GRIP1: variants seen among roughly 807,000 people sequenced by gnomAD.
GRIP1 encodes glutamate receptor interacting protein 1.
Under a neutral mutation model 129.9 loss-of-function variants are expected in GRIP1, and 45 were observed. That is an observed-to-expected ratio of 0.35 (90% CI 0.27 to 0.44). The LOEUF is 0.44. GRIP1 is among the 20% of genes least tolerant of loss of function. The pLI, the probability that GRIP1 is intolerant of heterozygous loss-of-function variation, is 1.00. For missense variants in GRIP1, 1,196 were observed against 1,396.8 expected, an observed-to-expected ratio of 0.86 and a Z score of 2.29; for synonymous variants, 530 against 520.8, an observed-to-expected ratio of 1.02 and a Z score of -0.24.
At chr12:66,503,273 G>A (rs542892642) in intron 7 of GRIP1, among the ~76,000 whole-genome samples, 8 of 152,040 alleles carry the variant, frequency 5.3e-5, no homozygotes, top group Non-Finnish European at 1.2e-4. Context: ...ATGACTTTTG[G>A]GGGCATCCCA....
chr12:66,463,185 T>A (rs2059185804), intron 8 of GRIP1, 92 bp from the exon 9 acceptor site: 1 of 1,117,564 alleles, frequency 8.9e-7, no homozygotes, highest in Non-Finnish European at 1.3e-6. Context: ...TCACAGTTTT[T>A]CATTTACTTA....
intron 11 of GRIP1, among the ~76,000 whole-genome samples, chr12:66,452,943 T>C (rs1313748754): frequency 6.6e-6 from 1 of 152,338 alleles, no homozygotes; most frequent in East Asian, 1.9e-4. Flanking sequence ...TTTTGGAATT[T>C]ATGGTTTGAA....
intron 1 of GRIP1, among the ~76,000 whole-genome samples, chr12:66,965,900 C>T (rs1735441757): frequency 6.6e-6 from 1 of 152,048 alleles, no homozygotes; most frequent in African/African-American, 2.4e-5. Context: ...CAGTTTCTGC[C>T]AGACAGTCTG....
chr12:66,992,939 C>G (rs1394221033), intron 1 of GRIP1, among the ~76,000 whole-genome samples: 1 of 152,062 alleles, frequency 6.6e-6, no homozygotes, highest in Non-Finnish European at 1.5e-5. Context: ...ATGGTGAAAC[C>G]CTGTGTATTC....
chr12:66,735,753 G>A (rs868734632), intron 1 of GRIP1, among the ~76,000 whole-genome samples: 1 of 152,130 alleles, frequency 6.6e-6, no homozygotes, highest in East Asian at 1.9e-4. Flanking sequence ...CAGGGCAATC[G>A]ATCATAAGTG....
At chr12:67,013,641 T>G (rs2042741590) in intron 1 of GRIP1, among the ~76,000 whole-genome samples, 1 of 152,190 alleles carries the variant, frequency 6.6e-6, no homozygotes, top group African/African-American at 2.4e-5. Context: ...TTAACTTGGA[T>G]AGCTGGTTGC....
At chr12:67,012,980 T>C (rs555715829) in intron 1 of GRIP1, among the ~76,000 whole-genome samples, 1 of 152,316 alleles carries the variant, frequency 6.6e-6, no homozygotes, top group African/African-American at 2.4e-5. Context: ...AAATAATTTA[T>C]GTCTAAAAGA....
At chr12:66,611,050 A>T (rs2064772888) in intron 1 of GRIP1, among the ~76,000 whole-genome samples, 1 of 152,180 alleles carries the variant, frequency 6.6e-6, no homozygotes, top group Non-Finnish European at 1.5e-5. Flanking sequence ...ATTTATCGTG[A>T]TAGAATAAAT....
intron 1 of GRIP1, among the ~76,000 whole-genome samples, chr12:66,762,489 CTTA>C (rs572662552): frequency 1.2e-3 from 182 of 152,274 alleles, no homozygotes; most frequent in African/African-American, 4.3e-3. Context: ...CTATTTTCTC[CTTA>C]TTGTTAATTT....
chr12:66,567,310 T>C (rs2139461945), intron 2 of GRIP1, among the ~76,000 whole-genome samples: 1 of 152,350 alleles, frequency 6.6e-6, no homozygotes, highest in African/African-American at 2.4e-5. Context: ...CTCCTGGAGA[T>C]TCTGGTATGT....
rs762868706 is a variant in GRIP1 at position 66,658,358 on chromosome 12, G to A, written c.55+20492C>T. 1.6e-4 allele frequency among the ~76,000 whole-genome samples: 24 copies of A among 152,292 alleles called. 1 individual carries two copies. The highest frequency in any genetic ancestry group is 4.1e-4 in the South Asian group (2 of 4,826). ...TGTGAAGGAATGCCTAGTAAGTAAAGTACGGTAGTAATTAAAATTGTAGTC... is the reference window on the plus strand; with the variant it reads ...TGTGAAGGAATGCCTAGTAAGTAAAATACGGTAGTAATTAAAATTGTAGTC... On this transcript the variant is annotated intron_variant, in intron 1 of 24. Coordinates refer to ENST00000359742, the MANE Select transcript of GRIP1 (RefSeq NM_001366722.1).
chr12:66,586,197 C>T (rs2063627298), intron 2 of GRIP1, among the ~76,000 whole-genome samples: 1 of 152,150 alleles, frequency 6.6e-6, no homozygotes, highest in Non-Finnish European at 1.5e-5. Flanking sequence ...CTTTTACTCC[C>T]ACCTTTTCAC....
intron 1 of GRIP1, among the ~76,000 whole-genome samples, chr12:66,856,192 C>T (rs1158544859): frequency 1.3e-5 from 2 of 152,038 alleles, no homozygotes; most frequent in African/African-American, 4.8e-5. Context: ...AAACTGGATC[C>T]CTTCCTTACA....
At chr12:66,537,600 C>G (rs1013081567) in intron 4 of GRIP1, among the ~76,000 whole-genome samples, 1 of 151,568 alleles carries the variant, frequency 6.6e-6, no homozygotes, top group African/African-American at 2.4e-5. Flanking sequence ...CCATAAAGAA[C>G]TAATATAAAA....
chr12:66,426,955 A>T (rs529877509), intron 14 of GRIP1, among the ~76,000 whole-genome samples: 6 of 152,298 alleles, frequency 3.9e-5, no homozygotes, highest in Admixed American at 3.3e-4. Flanking sequence ...TCTCTATTGC[A>T]TGCTTTCCAG....
chr12:66,679,444 C>CAAAAAAAAAAA (rs10691128), upstream of GRIP1, among the ~76,000 whole-genome samples: 2 of 117,438 alleles, frequency 1.7e-5, no homozygotes, highest in African/African-American at 3.2e-5. Context: ...AAACAACAAC[C>CAAAAAAAAAAA]AAAAAAAAAA....
rs566581998 is a variant in GRIP1, at chr12:67,045,197, G to A, written c.58+23853C>T. Among the ~76,000 whole-genome samples, 204 of 152,242 alleles carry A rather than the reference G, an allele frequency of 1.3e-3. 3 individuals are homozygous for A. The highest frequency in any genetic ancestry group is 4.8e-3 in the African/African-American group (200 of 41,542). On this transcript the variant is annotated intron_variant, in intron 1 of 1. Transcript: ENST00000643019. ...CCAAGTTACCCACTGGGAAGAGTGG[G>A]TAACTTTATTCTCTGATTTTTTCAA...
chr12:66,482,544 A>G (rs1202390709), intron 7 of GRIP1, among the ~76,000 whole-genome samples: 1 of 152,198 alleles, frequency 6.6e-6, no homozygotes. Context: ...TCCATAATAA[A>G]TGTTTCCCCA....
At chr12:66,624,913 A>G (rs1349845528) in intron 1 of GRIP1, among the ~76,000 whole-genome samples, 3 of 152,190 alleles carry the variant, frequency 2.0e-5, no homozygotes, top group Non-Finnish European at 4.4e-5. Flanking sequence ...AAAATTCATT[A>G]CTGGGTTTTG....
Sources: gnomAD v4.1 joint callset for allele counts (sites outside exome capture counted in the v4.1 genomes callset) on GRCh38, gnomAD v4.1.1 for gene constraint, MANE v1.5 for transcripts, NCBI Gene and HGNC (gene_info 2026-07-23, HGNC 2026-07-21) for gene names.